Variants in ADAMTS16 observed in about 807,000 individuals in gnomAD.
ADAMTS16 encodes the protein A disintegrin and metalloproteinase with thrombospondin motifs 16.
In ADAMTS16, 94 loss-of-function variants were observed where a neutral mutation model predicts 145.8. The ratio of observed to expected loss-of-function variants is 0.64; its 90% CI spans 0.55 to 0.77. The LOEUF (loss-of-function observed/expected upper bound fraction) is 0.77. ADAMTS16 is among the 30% of genes least tolerant of loss of function. ADAMTS16 has a pLI of 0.00. For synonymous variants in ADAMTS16, 659 were observed against 604.3 expected (o/e 1.09, Z -1.33); for missense variants, 1,585 against 1,591.5 (o/e 1.00, Z 0.07).
intron 2 of ADAMTS16, among the ~76,000 whole-genome samples, chr5:5,142,902 C>A (rs913218345): frequency 6.6e-6 from 1 of 152,192 alleles, no homozygotes; most frequent in Admixed American, 6.5e-5. Context: ...AATAACACCA[C>A]GCATCTACAA....
At chr5:5,262,934 A>C (rs908658925) in intron 18 of ADAMTS16, 151 bp downstream of exon 18, 18 of 1,163,106 alleles carry the variant, frequency 1.5e-5, no homozygotes, top group Non-Finnish European at 1.9e-5. Flanking sequence ...CTGCCTGGAC[A>C]AGGGACCTAG....
intron 18 of ADAMTS16, among the ~76,000 whole-genome samples, chr5:5,279,207 C>T (rs1738809361): frequency 6.6e-6 from 1 of 152,174 alleles, no homozygotes; most frequent in African/African-American, 2.4e-5. Context: ...TTGTGGATGC[C>T]AGGCATTGTC....
chr5:5,287,655 G>A (rs1739151781), intron 18 of ADAMTS16, among the ~76,000 whole-genome samples: 1 of 152,154 alleles, frequency 6.6e-6, no homozygotes. Context: ...GGCTCCGGGC[G>A]GGATATTGAT....
intron 17 of ADAMTS16, among the ~76,000 whole-genome samples, chr5:5,251,543 GA>G (rs1256390488): frequency 1.3e-5 from 2 of 152,234 alleles, no homozygotes; most frequent in Admixed American, 6.5e-5. Flanking sequence ...TTTCTGTTGG[GA>G]AAACCCTGAC....
At chr5:5,264,851 T>C (rs1195078853) in intron 18 of ADAMTS16, among the ~76,000 whole-genome samples, 3 of 152,208 alleles carry the variant, frequency 2.0e-5, no homozygotes, top group Non-Finnish European at 4.4e-5. Context: ...CTGGGGGACC[T>C]TCCCAGTGTC....
In ADAMTS16 at chr5:5,320,012, C is replaced by T. The variant is rs548648287; in HGVS notation, c.*874C>T. 6.4e-5 allele frequency: 28 copies of T among 440,152 alleles called. 1 individual carries two copies. In the East Asian group the frequency reaches 1.6e-3, roughly 25 times the overall value. 27.3% of individuals were successfully genotyped at this position (440,152 alleles called of 1,614,324 possible). On this transcript the variant is annotated 3_prime_UTR_variant, in exon 23 of 23. Transcript: ENST00000274181. The surrounding 1 kb of genome is among the most constrained non-coding windows in gnomAD (Gnocchi z 5.1). The stretch of plus-strand genomic sequence containing the variant: ...AGAGTTATGGTTCTATTATAGCAGA[C>T]GTCAGCCACACAGCCTATGTGACAA...
intron 17 of ADAMTS16, among the ~76,000 whole-genome samples, chr5:5,250,109 G>A (rs2913643): frequency 0.93 from 142,007 of 152,230 alleles, 66,858 homozygotes; most frequent in Non-Finnish European, 1. Flanking sequence ...ACAGGATAGG[G>A]GGCAAGGTGA....
At chr5:5,257,734 C>G (rs2964404) in intron 17 of ADAMTS16, among the ~76,000 whole-genome samples, 145,580 of 152,244 alleles carry the variant, frequency 0.96, 69,828 homozygotes, top group Non-Finnish European at 1. Flanking sequence ...GCTTGGTGTC[C>G]TACAATTCAG....
At chr5:5,267,713 G>C (rs533652265) in intron 18 of ADAMTS16, among the ~76,000 whole-genome samples, 65 of 152,290 alleles carry the variant, frequency 4.3e-4, no homozygotes, top group Non-Finnish European at 8.2e-4. Flanking sequence ...GGCCCAGGAT[G>C]GGGGCATAGT....
intron 18 of ADAMTS16, among the ~76,000 whole-genome samples, chr5:5,301,125 G>A (rs1739750444): frequency 6.6e-6 from 1 of 152,188 alleles, no homozygotes; most frequent in African/African-American, 2.4e-5. Flanking sequence ...AGGCAGGACT[G>A]CAGTGATACA....
intron 21 of ADAMTS16, among the ~76,000 whole-genome samples, chr5:5,307,348 T>C (rs899484901): frequency 6.6e-6 from 1 of 152,150 alleles, no homozygotes; most frequent in African/African-American, 2.4e-5. Context: ...GGCTGCCCGG[T>C]AGAGAGGCGC....
At chr5:5,208,995 T>G (rs1736202971) in intron 9 of ADAMTS16, 98 bp from the exon 10 acceptor site, 18 of 1,355,394 alleles carry the variant, frequency 1.3e-5, no homozygotes, top group Non-Finnish European at 1.8e-5. Context: ...ACACAATATA[T>G]GTTGTAAAAT....
At chr5:5,172,848 G>T (rs1020843058) in intron 3 of ADAMTS16, among the ~76,000 whole-genome samples, 5 of 151,898 alleles carry the variant, frequency 3.3e-5, no homozygotes, top group African/African-American at 1.2e-4. Context: ...TTTTTCATTG[G>T]GATCTATTTC....
intron 3 of ADAMTS16, among the ~76,000 whole-genome samples, chr5:5,175,440 C>A (rs763853892): frequency 3.3e-5 from 5 of 152,308 alleles, no homozygotes; most frequent in Non-Finnish European, 7.3e-5. Flanking sequence ...AGGAGTCTGT[C>A]TCAGAGTGGC....
intron 11 of ADAMTS16, chr5:5,223,600 T>A (rs1579322039): frequency 6.6e-6 from 1 of 152,030 alleles, no homozygotes; most frequent in Admixed American, 6.6e-5. Context: ...AATCTACCCA[T>A]GTAACAAATC....
At position 5,280,260 on chromosome 5, in the gene ADAMTS16, G is replaced by C. The variant is rs115608979; in HGVS notation, c.2789+17477G>C. 7.2e-3 allele frequency among the ~76,000 whole-genome samples: 1,098 copies of C among 152,268 alleles called. 18 individuals carry two copies. Among genetic ancestry groups the C allele is most frequent in the African/African-American group, 0.025 (1,027 of 41,540 alleles). On this transcript the variant is annotated intron_variant, in intron 18 of 22. Transcript: ENST00000274181. ...TCCTTCATCAATGGCTGGGCAGGAA[G>C]CCTTTTATTTCTGCCTTGCCACCTC...
chr5:5,278,411 C>T lies in ADAMTS16; in HGVS notation c.2789+15628C>T, dbSNP rs563426855. On this transcript the variant is annotated intron_variant, in intron 18 of 22. Transcript: ENST00000274181. ...CACTCAGCTCTCTTACCACCAAATT[C>T]GTGTCCCTCCGTCCTGCTTATGTGA... Among the ~76,000 whole-genome samples the T allele has an allele frequency of 4.6e-5, 7 of 152,322 alleles. No homozygotes were observed. In the South Asian group the frequency reaches 1.0e-3, roughly 23 times the overall value.
chr5:5,187,118 C>T lies in ADAMTS16; in HGVS notation c.964-607C>T, dbSNP rs371215998. ...TTGTCCTCAGCAAGCTGCTCTGACG[C>T]GTGGAAGTGTTTGCCTCTCTTCTGT... On this transcript the variant is annotated intron_variant, in intron 5 of 22. Transcript: ENST00000274181. 7.9e-5 allele frequency among the ~76,000 whole-genome samples: 12 copies of T among 152,298 alleles called. No homozygotes were observed. The East Asian group carries it at 1.5e-3, about 20-fold the overall frequency.
chr5:5,252,148 C>G (rs375254305), intron 17 of ADAMTS16, among the ~76,000 whole-genome samples: 6 of 152,138 alleles, frequency 3.9e-5, no homozygotes, highest in Non-Finnish European at 7.3e-5. Context: ...CGTGCCTGGC[C>G]GTCGGTGCTT....
Sources: gnomAD v4.1 joint callset for allele counts (sites outside exome capture counted in the v4.1 genomes callset) on GRCh38, gnomAD v4.1.1 for gene constraint, Gnocchi (gnomAD v3.1) non-coding constraint, MANE v1.5 for transcripts, NCBI Gene and HGNC (gene_info 2026-07-23, HGNC 2026-07-21) for gene names.